Variants in PRKN observed in about 807,000 individuals in gnomAD.
PRKN encodes the protein E3 ubiquitin-protein ligase parkin.
Under a neutral mutation model 59.5 loss-of-function variants are expected in PRKN, and 56 were observed. The observed-to-expected ratio is 0.94, with a 90% CI of 0.76 to 1.18. The LOEUF (loss-of-function observed/expected upper bound fraction) is 1.18. Ranked by LOEUF, PRKN falls within the 50% of genes most tolerant of loss-of-function variation. The pLI is 0.00. For missense variants in PRKN, 657 were observed against 596.4 expected (o/e 1.10, Z -1.06); for synonymous variants, 250 against 222.1 (o/e 1.13, Z -1.12).
intron 7 of PRKN, among the ~76,000 whole-genome samples, chr6:161,702,549 G>A (rs996580508): frequency 6.6e-5 from 10 of 152,074 alleles, no homozygotes; most frequent in African/African-American, 2.4e-4. Flanking sequence ...GGGAGGGGGA[G>A]GAGAGGGGAA....
intron 9 of PRKN, among the ~76,000 whole-genome samples, chr6:161,392,158 C>T (rs1452907667): frequency 1.3e-5 from 2 of 151,822 alleles, no homozygotes; most frequent in Non-Finnish European, 2.9e-5. Flanking sequence ...AAGCTGGTCT[C>T]GAACCCTGAC....
chr6:162,080,369 C>A (rs1340364786), intron 4 of PRKN, among the ~76,000 whole-genome samples: 1 of 152,016 alleles, frequency 6.6e-6, no homozygotes, highest in Non-Finnish European at 1.5e-5. Flanking sequence ...ATGAAAAGTT[C>A]TTTTCCGCCC....
intron 7 of PRKN, among the ~76,000 whole-genome samples, chr6:161,696,876 C>T (rs568141272): frequency 1.2e-4 from 18 of 152,252 alleles, no homozygotes; most frequent in African/African-American, 3.9e-4. Flanking sequence ...TCCAACTTCC[C>T]GATTTGCTGA....
intron 1 of PRKN, among the ~76,000 whole-genome samples, chr6:162,710,954 GA>G (rs1778515595): frequency 6.6e-6 from 1 of 152,174 alleles, no homozygotes; most frequent in African/African-American, 2.4e-5. Flanking sequence ...AGTATTAAAT[GA>G]AAATAATGGC....
At chr6:162,180,054 C>A (rs1156405480) in intron 4 of PRKN, among the ~76,000 whole-genome samples, 1 of 149,704 alleles carries the variant, frequency 6.7e-6, no homozygotes, top group East Asian at 2.0e-4. Flanking sequence ...CTGCATGCCA[C>A]AGCTGGGGGC....
At chr6:162,084,084 G>C (rs1400879292) in intron 4 of PRKN, among the ~76,000 whole-genome samples, 1 of 151,972 alleles carries the variant, frequency 6.6e-6, no homozygotes, top group East Asian at 1.9e-4. Context: ...TTTAGTTTTT[G>C]ACAGAGGTAA....
At chr6:161,853,010 G>A (rs10945783) in intron 6 of PRKN, among the ~76,000 whole-genome samples, 18,086 of 152,116 alleles carry the variant, frequency 0.12, 1,241 homozygotes, top group East Asian at 0.33. Flanking sequence ...TTTTATGTCA[G>A]TTTTAAGAGA....
At chr6:161,504,681 C>A (rs7767619) in intron 9 of PRKN, among the ~76,000 whole-genome samples, 1 of 122,136 alleles carries the variant, frequency 8.2e-6, no homozygotes, top group Non-Finnish European at 1.7e-5. Context: ...CCCCTCCCCC[C>A]ACCCCACAAC....
intron 4 of PRKN, among the ~76,000 whole-genome samples, chr6:162,145,419 C>A (rs944512045): frequency 5.3e-5 from 8 of 152,126 alleles, no homozygotes; most frequent in Non-Finnish European, 7.4e-5. Flanking sequence ...TTGTGCTAAG[C>A]ATAATGTCAG....
chr6:162,577,858 G>C (rs2128210433), intron 1 of PRKN, among the ~76,000 whole-genome samples: 1 of 152,238 alleles, frequency 6.6e-6, no homozygotes, highest in East Asian at 1.9e-4. Context: ...GAGCCCAGGA[G>C]GTCAAGGTTT....
intron 1 of PRKN, among the ~76,000 whole-genome samples, chr6:162,486,697 A>C (rs1417929546): frequency 6.6e-6 from 1 of 152,198 alleles, no homozygotes; most frequent in Non-Finnish European, 1.5e-5. Flanking sequence ...CATATTCAAA[A>C]GTTATTTTAA....
chr6:162,452,224 G>A (rs925832715), intron 1 of PRKN, among the ~76,000 whole-genome samples: 56 of 152,026 alleles, frequency 3.7e-4, no homozygotes, highest in Non-Finnish European at 1.0e-4. Context: ...TTTATCACAA[G>A]CAGACTCATA....
At chr6:162,105,230 T>C (rs1367969892) in intron 4 of PRKN, among the ~76,000 whole-genome samples, 2 of 152,138 alleles carry the variant, frequency 1.3e-5, no homozygotes, top group Admixed American at 1.3e-4. Context: ...AATGCCCGAA[T>C]TGAATTCACC....
In PRKN at chr6:162,703,036, T is replaced by C. The variant is rs376045958; in HGVS notation, c.7+24626A>G. 5.3e-5 allele frequency among the ~76,000 whole-genome samples: 8 copies of C among 152,212 alleles called. 1 individual carries two copies. The East Asian group carries it at 5.8e-4, about 11-fold the overall frequency. On this transcript the variant is annotated intron_variant, in intron 1 of 11. Coordinates refer to ENST00000366898, the MANE Select transcript of PRKN (RefSeq NM_004562.3). ...ATTTACTTAAGACTTTACCATAAGC[T>C]TTGATAGTATTCTAGGTGTTGATTA...
intron 7 of PRKN, among the ~76,000 whole-genome samples, chr6:161,735,018 CAA>C (rs111861396): frequency 6.3e-4 from 62 of 97,768 alleles, no homozygotes; most frequent in Non-Finnish European, 7.2e-4. Flanking sequence ...TATAAACAAG[CAA>C]AAAAAAAAAA....
intron 4 of PRKN, among the ~76,000 whole-genome samples, chr6:162,134,095 T>C (rs1447392149): frequency 6.6e-6 from 1 of 152,074 alleles, no homozygotes; most frequent in African/African-American, 2.4e-5. Flanking sequence ...TTTACAAAAC[T>C]CTATATGGTA....
Position 161,355,424 on chromosome 6 carries a change from C to T in PRKN, c.1285+4664G>A, listed in dbSNP as rs118125712. Among the ~76,000 whole-genome samples, 34 of 152,300 alleles carry T rather than the reference C, an allele frequency of 2.2e-4. No individual in the cohort carries two copies. In the East Asian group the frequency reaches 4.6e-3, roughly 21 times the overall value. On this transcript the variant is annotated intron_variant, in intron 11 of 11. Coordinates refer to ENST00000366898, the MANE Select transcript of PRKN (RefSeq NM_004562.3). The surrounding 1 kb of genome is among the most constrained non-coding windows in gnomAD (Gnocchi z 6.8). ...TGTGTTTTATTTATTCTTTTTGAGA[C>T]GGAGTCTCACTGTGTCACCCAGGCC...
At chr6:162,386,597 C>G (rs1005847176) in intron 2 of PRKN, among the ~76,000 whole-genome samples, 1 of 152,198 alleles carries the variant, frequency 6.6e-6, no homozygotes, top group South Asian at 2.1e-4. Context: ...CAGCACTGGG[C>G]TGGCCCTCAG....
chr6:161,667,086 A>C (rs184616437), intron 7 of PRKN, among the ~76,000 whole-genome samples: 1 of 152,358 alleles, frequency 6.6e-6, no homozygotes, highest in African/African-American at 2.4e-5. Context: ...TGGCCCACAC[A>C]GAAAGAGCAG....
Sources: gnomAD v4.1 joint callset for allele counts (sites outside exome capture counted in the v4.1 genomes callset) on GRCh38, gnomAD v4.1.1 for gene constraint, Gnocchi (gnomAD v3.1) non-coding constraint, MANE v1.5 for transcripts, NCBI Gene and HGNC (gene_info 2026-07-23, HGNC 2026-07-21) for gene names.